IGFBP7: variants seen among roughly 807,000 people sequenced by gnomAD.
The protein encoded by IGFBP7 is insulin like growth factor binding protein 7, also known as insulin-like growth factor-binding protein 7.
Under a neutral mutation model 29.4 loss-of-function variants are expected in IGFBP7, and 31 were observed. The ratio of observed to expected loss-of-function variants is 1.05; its 90% CI spans 0.79 to 1.42. IGFBP7 has a LOEUF of 1.42. Among genes scored for constraint, IGFBP7 ranks in the 40% most tolerant of loss-of-function variants. The pLI is 0.00. For missense variants in IGFBP7, 393 were observed against 395.5 expected (o/e 0.99, Z 0.05); for synonymous variants, 172 against 174.9 (o/e 0.98, Z 0.13).
At chr4:57,033,446 T>G in intron 2 of IGFBP7, 135 bp from the exon 3 acceptor site, 2 of 727,380 alleles carry the variant, frequency 2.7e-6, no homozygotes, top group Admixed American at 3.9e-5. Context: ...CACTGAACTA[T>G]TTCCCTTTCC....
At chr4:57,039,589 T>C (rs1011382597) in intron 2 of IGFBP7, among the ~76,000 whole-genome samples, 1 of 151,486 alleles carries the variant, frequency 6.6e-6, no homozygotes, top group Admixed American at 6.6e-5. Flanking sequence ...GTGCTGAGGC[T>C]GAGAAACCCT....
Position 57,031,192 on chromosome 4 carries a change from G to T in IGFBP7, c.*125C>A. The T allele has an allele frequency of 3.5e-6, 3 of 864,510 alleles. No individual in the cohort carries two copies. Among genetic ancestry groups the T allele is most frequent in the Non-Finnish European group, 5.7e-6 (3 of 522,248 alleles). 53.6% of individuals were successfully genotyped at this position (864,510 alleles called of 1,614,324 possible). On this transcript the variant is annotated 3_prime_UTR_variant, in exon 5 of 5. Transcript: ENST00000295666. ...TGATCTTTATTTTGTATTTCTCTGT[G>T]TAAAACCAGTGAATATAACTAAAGT...
chr4:57,051,320 T>C (rs1343984106), intron 1 of IGFBP7, among the ~76,000 whole-genome samples: 1 of 152,122 alleles, frequency 6.6e-6, no homozygotes, highest in Non-Finnish European at 1.5e-5. Context: ...TGAACCCTGG[T>C]ATGGGAATCT....
In IGFBP7 at chr4:57,078,686, A is replaced by ATTT. The variant is rs34999031; in HGVS notation, c.475+31188_475+31190dup. Among the ~76,000 whole-genome samples, 42 of 148,322 alleles carry ATTT rather than the reference A, an allele frequency of 2.8e-4. 1 individual carries two copies. Among genetic ancestry groups the ATTT allele is most frequent in the Admixed American group, 2.5e-3 (38 of 14,928 alleles). On this transcript the variant is annotated intron_variant, in intron 1 of 4. Coordinates refer to ENST00000295666, the MANE Select transcript of IGFBP7 (RefSeq NM_001553.3). ...TTTCCCATTCACTTGTGAGTTTAGG[A>ATTT]TTTTTTTTTTTTAAAGAGCTCTACC... is the stretch of plus-strand genomic sequence containing the variant.
intron 1 of IGFBP7, among the ~76,000 whole-genome samples, chr4:57,042,660 T>C (rs1184244318): frequency 6.6e-6 from 1 of 152,152 alleles, no homozygotes; most frequent in Admixed American, 6.5e-5. Flanking sequence ...CAGTTTCAAA[T>C]GGTTGAAAAA....
intron 1 of IGFBP7, among the ~76,000 whole-genome samples, chr4:57,063,721 C>T (rs896041622): frequency 2.6e-5 from 4 of 152,094 alleles, no homozygotes; most frequent in Non-Finnish European, 5.9e-5. Flanking sequence ...CAAATTGGTC[C>T]TCAGCTGTTT....
At chr4:57,042,061 C>T (rs577952296) in intron 1 of IGFBP7, among the ~76,000 whole-genome samples, 1 of 152,290 alleles carries the variant, frequency 6.6e-6, no homozygotes, top group South Asian at 2.1e-4. Context: ...AAGCCACGGC[C>T]TAAATAGAGT....
chr4:57,079,702 C>G (rs1240805126), intron 1 of IGFBP7, among the ~76,000 whole-genome samples: 1 of 152,170 alleles, frequency 6.6e-6, no homozygotes, highest in Non-Finnish European at 1.5e-5. Flanking sequence ...AAGTCAAATT[C>G]TATATGAAAT....
At chr4:57,039,067 A>C (rs1423714660) in intron 2 of IGFBP7, among the ~76,000 whole-genome samples, 1 of 16,540 alleles carries the variant, frequency 6.0e-5, no homozygotes, top group Non-Finnish European at 2.1e-4. Flanking sequence ...CTATGTCTCA[A>C]AAAAAAAAAA....
At chr4:57,032,626 A>G in intron 3 of IGFBP7, 74 bp from the exon 4 acceptor site, 1 of 1,167,858 alleles carries the variant, frequency 8.6e-7, no homozygotes, top group East Asian at 2.3e-5. Flanking sequence ...TGAGGTCATT[A>G]TTTCATAAAT....
rs187093954 is a variant in IGFBP7 at position 57,033,051 on chromosome 4, A to G, written c.702+144T>C. The G allele has an allele frequency of 4.3e-5, 32 of 741,440 alleles. No individual in the cohort carries two copies. The East Asian group carries it at 6.4e-4, about 15-fold the overall frequency. The allele number at this position is 741,440 out of a possible 1,614,324, so 45.9% of individuals were successfully genotyped here. A position where few individuals can be genotyped will look rare whatever the true frequency, so the allele number is the denominator to read the frequency against. On this transcript the variant is annotated intron_variant, in intron 3 of 4. Coordinates refer to ENST00000295666, the MANE Select transcript of IGFBP7 (RefSeq NM_001553.3). ...CCTTTAGTTTCTCTGAAAGAGGAGC[A>G]GCGACTCCATGGTAAGGCTATTCCA...
intron 1 of IGFBP7, among the ~76,000 whole-genome samples, chr4:57,043,251 A>G (rs1232816078): frequency 6.6e-6 from 1 of 152,092 alleles, no homozygotes; most frequent in African/African-American, 2.4e-5. Flanking sequence ...GCAGTGTGAG[A>G]CTCCAGAACC....
intron 1 of IGFBP7, among the ~76,000 whole-genome samples, chr4:57,080,235 C>T (rs533982542): frequency 7.0e-4 from 107 of 152,260 alleles, no homozygotes; most frequent in African/African-American, 2.4e-3. Context: ...CATACTTTAT[C>T]TCAGTAAGAA....
intron 1 of IGFBP7, among the ~76,000 whole-genome samples, chr4:57,055,276 A>G (rs1724629527): frequency 6.6e-6 from 1 of 152,170 alleles, no homozygotes; most frequent in Admixed American, 6.5e-5. Flanking sequence ...TGTGTCGAAA[A>G]AAATGCCCAT....
chr4:57,036,324 CAA>C (rs1480262855), intron 2 of IGFBP7, among the ~76,000 whole-genome samples: 2 of 152,114 alleles, frequency 1.3e-5, no homozygotes, highest in Non-Finnish European at 2.9e-5. Flanking sequence ...GGGAGATTCT[CAA>C]CTCTTTCTTT....
At chr4:57,038,824 T>TG (rs1481227948) in intron 2 of IGFBP7, among the ~76,000 whole-genome samples, 1 of 152,056 alleles carries the variant, frequency 6.6e-6, no homozygotes, top group African/African-American at 2.4e-5. Context: ...CCTAGCACTT[T>TG]GGGAGGGCAA....
At chr4:57,052,384 C>T (rs1388947731) in intron 1 of IGFBP7, among the ~76,000 whole-genome samples, 1 of 152,160 alleles carries the variant, frequency 6.6e-6, no homozygotes, top group Non-Finnish European at 1.5e-5. Flanking sequence ...TTTAAATTTG[C>T]TGAATTTCAG....
At chr4:57,037,116 T>G (rs1724100631) in intron 2 of IGFBP7, among the ~76,000 whole-genome samples, 1 of 152,190 alleles carries the variant, frequency 6.6e-6, no homozygotes, top group Non-Finnish European at 1.5e-5. Flanking sequence ...CTGTTCTATT[T>G]TTTATTTTTT....
At chr4:57,053,048 A>G (rs1266520645) in intron 1 of IGFBP7, among the ~76,000 whole-genome samples, 4 of 131,660 alleles carry the variant, frequency 3.0e-5, no homozygotes, top group Middle Eastern at 4.5e-3. Flanking sequence ...ATGAAGTCTT[A>G]CTCTGTCGCC....
Sources: gnomAD v4.1 joint callset for allele counts (sites outside exome capture counted in the v4.1 genomes callset) on GRCh38, gnomAD v4.1.1 for gene constraint, MANE v1.5 for transcripts, NCBI Gene and HGNC (gene_info 2026-07-23, HGNC 2026-07-21) for gene names.